ALK: variants seen among roughly 807,000 people sequenced by gnomAD.
ALK encodes ALK receptor tyrosine kinase.
ALK carries 74 observed loss-of-function variants against 163.1 expected under a neutral mutation model. That is an observed-to-expected ratio of 0.45 (90% CI 0.38 to 0.55). The LOEUF (loss-of-function observed/expected upper bound fraction) is 0.55, where lower values mean the gene tolerates loss of function less well. Ranked by LOEUF, ALK falls within the 20% of genes least tolerant of loss-of-function variation. The pLI is 0.00. For synonymous variants in ALK, 960 were observed against 843.2 expected, an observed-to-expected ratio of 1.14 and a Z score of -2.40; for missense variants, 2,063 against 2,105.3, an observed-to-expected ratio of 0.98 and a Z score of 0.39.
chr2:29,892,716 T>C (rs1331289917), intron 1 of ALK, among the ~76,000 whole-genome samples: 1 of 152,204 alleles, frequency 6.6e-6, no homozygotes, highest in Admixed American at 6.5e-5. Context: ...GAGCCCAGAC[T>C]GTCCCCACAC....
At chr2:29,767,434 A>G (rs1183858350) in intron 1 of ALK, among the ~76,000 whole-genome samples, 3 of 152,154 alleles carry the variant, frequency 2.0e-5, no homozygotes, top group Admixed American at 1.3e-4. Flanking sequence ...GAAAAATCTC[A>G]TGTCCCAGGA....
intron 3 of ALK, among the ~76,000 whole-genome samples, chr2:29,576,813 A>G (rs1343549159): frequency 6.6e-6 from 1 of 151,880 alleles, no homozygotes; most frequent in Non-Finnish European, 1.5e-5. Context: ...TCTAGGTTGC[A>G]TGCTCCTTAT....
rs574108654 is a variant in ALK, at chr2:29,464,407, C to A, written c.1154+67508G>T. Among the ~76,000 whole-genome samples the A allele has an allele frequency of 4.6e-5, 7 of 152,278 alleles. No individual in the cohort carries two copies. In the South Asian group the frequency reaches 1.5e-3, roughly 32 times the overall value. On this transcript the variant is annotated intron_variant, in intron 4 of 28. Coordinates refer to ENST00000389048, the MANE Select transcript of ALK (RefSeq NM_004304.5). ...GCAGGTCGTCAACTATTCAACTCTCCTGTTGAGTCATGAAAACAGCCATCA... is the reference window on the plus strand; with the variant it reads ...GCAGGTCGTCAACTATTCAACTCTCATGTTGAGTCATGAAAACAGCCATCA...
chr2:29,294,071 T>G (rs999750230), intron 9 of ALK, among the ~76,000 whole-genome samples: 1 of 152,204 alleles, frequency 6.6e-6, no homozygotes, highest in African/African-American at 2.4e-5. Context: ...TAAGGAAGCT[T>G]CATGGGATGT....
At chr2:29,901,915 G>A (rs1486192473) in intron 1 of ALK, among the ~76,000 whole-genome samples, 3 of 152,002 alleles carry the variant, frequency 2.0e-5, no homozygotes, top group South Asian at 2.1e-4. Flanking sequence ...AGGAAGAACA[G>A]AACACAAAAT....
rs575314773 is a variant in ALK at position 29,920,312 on chromosome 2, G to T, written c.348C>A (p.Ala116=). ...PGVSWTAGSP[A]PAEARTLSRV... ...TGGACAGCGTCCGGGCCTCTGCCGG[G>T]GCTGGTGAACCGGCGGTCCAGGAGA... The change falls in exon 1 of 29, where the codon GCC becomes GCA. Residue 116 remains alanine (A), a synonymous_variant. Coordinates refer to ENST00000389048, the MANE Select transcript of ALK (RefSeq NM_004304.5). 3.2e-6 allele frequency: 5 copies of T among 1,558,776 alleles called. No homozygotes were observed. The South Asian group carries it at 5.8e-5, about 18-fold the overall frequency.
In ALK at chr2:29,225,522, G is replaced by T; in HGVS notation, c.3111C>A (p.Leu1037=). Reference sequence around the variant, plus strand: ...CCACGAGGGCAGAGGTCACCACAGAGAGGATCAGCGAGAGTGGCAGGTGTG... The same window carrying T: ...CCACGAGGGCAGAGGTCACCACAGATAGGATCAGCGAGAGTGGCAGGTGTG... ...PEPHLPLSLI[L]SVVTSALVAA... is the part of the protein sequence containing the mutation. The change falls in exon 19 of 29, where the codon CTC becomes CTA. Residue 1037 remains leucine, a synonymous_variant. Transcript: ENST00000389048. 1 of 1,613,476 alleles carries T rather than the reference G, an allele frequency of 6.2e-7. No homozygotes were observed. Among genetic ancestry groups the T allele is most frequent in the Non-Finnish European group, 8.5e-7 (1 of 1,179,932 alleles).
intron 4 of ALK, among the ~76,000 whole-genome samples, chr2:29,401,738 T>A (rs1422062188): frequency 6.6e-6 from 1 of 152,032 alleles, no homozygotes; most frequent in Non-Finnish European, 1.5e-5. Flanking sequence ...GTGACATGGG[T>A]TGGGTATTCA....
intron 1 of ALK, among the ~76,000 whole-genome samples, chr2:29,722,755 C>G (rs565695063): frequency 6.6e-6 from 1 of 152,272 alleles, no homozygotes; most frequent in African/African-American, 2.4e-5. Context: ...CATCCAACTG[C>G]CTGCTCAAAA....
chr2:29,682,682 C>T (rs1338502102), intron 3 of ALK, among the ~76,000 whole-genome samples: 1 of 152,174 alleles, frequency 6.6e-6, no homozygotes, highest in Non-Finnish European at 1.5e-5. Context: ...TAAACAGGGG[C>T]ATCCCAAGCT....
intron 1 of ALK, among the ~76,000 whole-genome samples, chr2:29,916,136 G>A (rs1479619861): frequency 6.6e-6 from 1 of 152,140 alleles, no homozygotes; most frequent in African/African-American, 2.4e-5. Context: ...TAGGAATGCT[G>A]GGACTTGTCT....
At chr2:29,731,064 G>A (rs796202692) in intron 1 of ALK, among the ~76,000 whole-genome samples, 20 of 152,320 alleles carry the variant, frequency 1.3e-4, no homozygotes, top group African/African-American at 4.6e-4. Flanking sequence ...TAAGGGCTTT[G>A]AAGGTTGATC....
chr2:29,679,386 G>A lies in ALK; in HGVS notation c.952+15464C>T, dbSNP rs563168541. On this transcript the variant is annotated intron_variant, in intron 3 of 28. Coordinates refer to ENST00000389048, the MANE Select transcript of ALK (RefSeq NM_004304.5). ...TTTTCAGCACTGAATACTTTTCAGCGTACCATTTTAATCGTTTATTTATTT... is the reference window on the plus strand; with the variant it reads ...TTTTCAGCACTGAATACTTTTCAGCATACCATTTTAATCGTTTATTTATTT... Among the ~76,000 whole-genome samples, 32 of 151,170 alleles carry A rather than the reference G, an allele frequency of 2.1e-4. 1 individual carries two copies. Among genetic ancestry groups the A allele is most frequent in the South Asian group, 1.3e-3 (6 of 4,768 alleles).
intron 1 of ALK, among the ~76,000 whole-genome samples, chr2:29,877,185 A>T (rs1412174340): frequency 1.3e-5 from 2 of 152,216 alleles, no homozygotes. Context: ...TTGCCTGTTT[A>T]TAAGTTAAGT....
chr2:29,733,563 A>G (rs1311661861), intron 1 of ALK, among the ~76,000 whole-genome samples: 1 of 152,230 alleles, frequency 6.6e-6, no homozygotes, highest in East Asian at 1.9e-4. Flanking sequence ...GCAATCTTAC[A>G]TGCTTGCCTT....
At chr2:29,717,775 A>C (rs577231719) in intron 1 of ALK, 78 bp from the exon 2 acceptor site, 49 of 1,599,630 alleles carry the variant, frequency 3.1e-5, no homozygotes, top group African/African-American at 6.7e-5. Flanking sequence ...ATCAGTCAAA[A>C]ATGAAGTTTA....
At chr2:29,311,329 A>T (rs12990033) in intron 8 of ALK, among the ~76,000 whole-genome samples, 33,161 of 152,144 alleles carry the variant, frequency 0.22, 4,022 homozygotes, top group South Asian at 0.34. Flanking sequence ...GGGCTTCCGA[A>T]AACGGCAGTG....
At position 29,797,649 on chromosome 2, in the gene ALK, T is replaced by A. The variant is rs143899417; in HGVS notation, c.668-79952A>T. Among the ~76,000 whole-genome samples, 3 of 152,330 alleles carry A rather than the reference T, an allele frequency of 2.0e-5. No individual in the cohort carries two copies. In the East Asian group the frequency reaches 5.8e-4, roughly 29 times the overall value. On this transcript the variant is annotated intron_variant, in intron 1 of 28. Coordinates refer to ENST00000389048, the MANE Select transcript of ALK (RefSeq NM_004304.5). Reference sequence around the variant, plus strand: ...AGTGTAGAAGGACTCACTAAATATTTGCTGATTGAAGGAACTGATATTCTG... The same window carrying A: ...AGTGTAGAAGGACTCACTAAATATTAGCTGATTGAAGGAACTGATATTCTG...
At chr2:29,422,398 C>A (rs1670035873) in intron 4 of ALK, among the ~76,000 whole-genome samples, 1 of 151,292 alleles carries the variant, frequency 6.6e-6, no homozygotes, top group South Asian at 2.1e-4. Flanking sequence ...TCAGATGAAA[C>A]CTCATCCCTG....
Sources: allele counts gnomAD v4.1 joint callset (sites outside exome capture counted in the v4.1 genomes callset), GRCh38; gene constraint gnomAD v4.1.1; transcripts MANE v1.5; gene names NCBI Gene and HGNC (gene_info 2026-07-23, HGNC 2026-07-21).